Variants in UNC13D observed in about 807,000 individuals in gnomAD.
The protein encoded by UNC13D is protein unc-13 homolog D.
A neutral mutation model predicts 151.7 loss-of-function variants in UNC13D; 115 were observed. The observed-to-expected ratio is 0.76, with a 90% CI of 0.65 to 0.88. The LOEUF (loss-of-function observed/expected upper bound fraction) is 0.88, where lower values mean the gene tolerates loss of function less well. Among genes scored for constraint, UNC13D ranks in the 40% least tolerant of loss-of-function variants. UNC13D has a pLI of 0.00. For missense variants in UNC13D, 1,369 were observed against 1,438.7 expected (o/e 0.95, Z 0.78); for synonymous variants, 588 against 612.2 (o/e 0.96, Z 0.58).
chr17:75,828,832 C>A lies in UNC13D; in HGVS notation c.3106G>T (p.Glu1036Ter). 6.4e-7 allele frequency: 1 copy of A among 1,571,200 alleles called. No individual in the cohort carries two copies. Residue 1036 changes from glutamate to a stop codon, truncating the protein, a stop_gained, in exon 31 of 32, where the codon GAG (glutamate) becomes TAG (stop). Transcript: ENST00000207549. LOFTEE classifies it high-confidence loss of function. ...PGLSGSEEPG[E>*]VPQTRLPLTY... ...AGGGGCAGGCGGGTCTGAGGCACCTCACCAGGCTCCTCAGAGCCACTCAGC... is the reference window on the plus strand; with the variant it reads ...AGGGGCAGGCGGGTCTGAGGCACCTAACCAGGCTCCTCAGAGCCACTCAGC...
chr17:75,839,413 A>G (rs951298619), intron 12 of UNC13D, among the ~76,000 whole-genome samples: 1 of 152,162 alleles, frequency 6.6e-6, no homozygotes, highest in Non-Finnish European at 1.5e-5. Context: ...TTTCAAAAAA[A>G]AAAAAAAAAA....
At chr17:75,839,379 C>G (rs1018219887) in intron 12 of UNC13D, among the ~76,000 whole-genome samples, 1 of 148,064 alleles carries the variant, frequency 6.8e-6, no homozygotes, top group Non-Finnish European at 1.5e-5. Flanking sequence ...CCACTCCAGC[C>G]TGGGCAACAA....
chr17:75,834,916 G>C lies in UNC13D; in HGVS notation c.1992+4C>G, dbSNP rs764950480. 2 of 1,613,934 alleles carry C rather than the reference G, an allele frequency of 1.2e-6. No individual in the cohort carries two copies. Among genetic ancestry groups the C allele is most frequent in the Non-Finnish European group, 8.5e-7 (1 of 1,179,996 alleles). ...GGGGGAAGGACACGTGGAAGATGCCGCACCTCCACAAACTTGACGGTAATC... is the reference window on the plus strand; with the variant it reads ...GGGGGAAGGACACGTGGAAGATGCCCCACCTCCACAAACTTGACGGTAATC... On this transcript the variant is annotated splice_donor_region_variant and intron_variant, in intron 21 of 31. Transcript: ENST00000207549.
Position 75,827,823 on chromosome 17 carries a change from A to C in UNC13D, c.*142T>G. ...ACCATGGGAGGCAGGGGAGGTCTGC[A>C]CTCTGGGCACTCCGCATGCTGGGGC... is the stretch of plus-strand genomic sequence containing the variant. On this transcript the variant is annotated 3_prime_UTR_variant, in exon 32 of 32. Coordinates refer to ENST00000207549, the MANE Select transcript of UNC13D (RefSeq NM_199242.3). 1.3e-6 allele frequency: 2 copies of C among 1,499,012 alleles called. No homozygotes were observed. Among genetic ancestry groups the C allele is most frequent in the Non-Finnish European group, 1.8e-6 (2 of 1,124,330 alleles). The allele number at this position is 1,499,012 out of a possible 1,614,324, so 92.9% of individuals were successfully genotyped here. A position where few individuals can be genotyped will look rare whatever the true frequency, so the allele number is the denominator to read the frequency against.
At chr17:75,828,644 A>G in intron 31 of UNC13D, 143 bp downstream of exon 31, 4 of 938,096 alleles carry the variant, frequency 4.3e-6, no homozygotes, top group Non-Finnish European at 6.0e-6. Flanking sequence ...TCTTGATTAG[A>G]CCGAGAGATG....
intron 1 of UNC13D, chr17:75,843,770 C>T: frequency 7.1e-7 from 1 of 1,415,596 alleles, no homozygotes. Flanking sequence ...CACCTCCCTC[C>T]CTTCCCCAGA....
chr17:75,835,194 C>T lies in UNC13D; in HGVS notation c.1849-131G>A, dbSNP rs548196777. 18 of 1,481,176 alleles carry T rather than the reference C, an allele frequency of 1.2e-5. No individual in the cohort carries two copies. The African/African-American group carries it at 2.0e-4, about 16-fold the overall frequency. The allele number at this position is 1,481,176 out of a possible 1,614,324, so 91.8% of individuals were successfully genotyped here. On this transcript the variant is annotated intron_variant, in intron 20 of 31. Transcript: ENST00000207549. ...GCTTCACAAGAGACAAGCACGGCTC[C>T]GCCCAGACCCCCAGGCTGCAGGATC...
In UNC13D at chr17:75,844,265, T is replaced by C; in HGVS notation, c.73A>G (p.Arg25Gly). The C allele has an allele frequency of 1.2e-6, 2 of 1,612,698 alleles. No individual in the cohort carries two copies. Among genetic ancestry groups the C allele is most frequent in the Non-Finnish European group, 1.7e-6 (2 of 1,179,950 alleles). The stretch of plus-strand genomic sequence containing the variant: ...GGGGGATCCTGTAGATCTCTGACTC[T>C]GCGGCGCCTTATCTTGATGGCCTGG... ...LRQAIKIRRR[R>G]VRDLQDPPPQ... The change falls in exon 1 of 32, where the codon AGA becomes GGA. Residue 25 changes from arginine (R) to glycine (G), a missense_variant. Arg to Gly is a moderately radical substitution (Grantham distance 125). This residue lies in a region of UNC13D where 550 missense variants were observed against 609.0 expected (regional missense o/e 0.90). Transcript: ENST00000207549.
intron 12 of UNC13D, among the ~76,000 whole-genome samples, chr17:75,838,972 C>T (rs367573998): frequency 1.3e-4 from 20 of 152,248 alleles, no homozygotes; most frequent in African/African-American, 3.4e-4. Context: ...CGGTGGCTGG[C>T]GCCTGTAGTC....
chr17:75,839,263 G>A lies in UNC13D; in HGVS notation c.1055+576C>T, dbSNP rs557585995. ...ACTAAAAATACAAAGTTAGCTGGGC[G>A]TGGTGGCGCATGCCTGTAATCCCAG... On this transcript the variant is annotated intron_variant, in intron 12 of 31. Transcript: ENST00000207549. Among the ~76,000 whole-genome samples, 9 of 152,204 alleles carry A rather than the reference G, an allele frequency of 5.9e-5. No individual in the cohort carries two copies. In the South Asian group the frequency reaches 6.2e-4, roughly 11 times the overall value.
At position 75,843,275 on chromosome 17, in the gene UNC13D, C is replaced by A. The variant is rs2064962405; in HGVS notation, c.154-9G>T. The A allele has an allele frequency of 6.2e-7, 1 of 1,604,974 alleles. No individual in the cohort carries two copies. Among genetic ancestry groups the A allele is most frequent in the East Asian group, 2.2e-5 (1 of 44,836 alleles). ...TCGTAGAGCAGGGCCCGCTAAGACA[C>A]ACGGGGTCACCTTGGGGACCCCACC... On this transcript the variant is annotated splice_polypyrimidine_tract_variant and intron_variant, in intron 2 of 31. Coordinates refer to ENST00000207549, the MANE Select transcript of UNC13D (RefSeq NM_199242.3).
chr17:75,840,673 A>G lies in UNC13D; in HGVS notation c.683+89T>C. The G allele has an allele frequency of 6.2e-7, 1 of 1,610,810 alleles. No individual in the cohort carries two copies. Among genetic ancestry groups the G allele is most frequent in the Non-Finnish European group, 8.5e-7 (1 of 1,177,502 alleles). ...GCCGCAGCCACCTGGACCCCAAAGG[A>G]GCCTGCACCCCAGCATCCAGTGTGC... On this transcript the variant is annotated intron_variant, in intron 8 of 31. Coordinates refer to ENST00000207549, the MANE Select transcript of UNC13D (RefSeq NM_199242.3). The surrounding 1 kb of genome is among the most constrained non-coding windows in gnomAD (Gnocchi z 4.6).
chr17:75,833,173 T>A lies in UNC13D; in HGVS notation c.2368-128A>T. 2 of 906,358 alleles carry A rather than the reference T, an allele frequency of 2.2e-6. No homozygotes were observed. Among genetic ancestry groups the A allele is most frequent in the Non-Finnish European group, 3.4e-6 (2 of 580,148 alleles). 56.1% of individuals were successfully genotyped at this position (906,358 alleles called of 1,614,324 possible). A position where few individuals can be genotyped will look rare whatever the true frequency, so the allele number is the denominator to read the frequency against. ...CTGTGAGAGCAGTTTGTAGTGTCTG[T>A]AAGAGGCCGGCCTGCCCACCTCTCT... On this transcript the variant is annotated intron_variant, in intron 24 of 31. Transcript: ENST00000207549. This position sits in a 1 kb window ranked among gnomAD's most constrained non-coding sequence, Gnocchi z 4.0.
Position 75,831,005 on chromosome 17 carries a change from C to T in UNC13D, c.2625+93G>A, listed in dbSNP as rs983639582. On this transcript the variant is annotated intron_variant, in intron 27 of 31. Transcript: ENST00000207549. ...CCCAGTTTTTCATTTTGTACTGGGC[C>T]CCATAAATTATGTAGCCGACCCTGG... The T allele has an allele frequency of 2.1e-6, 3 of 1,430,204 alleles. No homozygotes were observed. The African/African-American group carries it at 4.3e-5, about 20-fold the overall frequency. 88.6% of individuals were successfully genotyped at this position (1,430,204 alleles called of 1,614,324 possible).
intron 30 of UNC13D, 67 bp from the exon 31 acceptor site, chr17:75,829,050 CACCCACTTGGTGTTGGG>C: frequency 1.9e-6 from 3 of 1,558,598 alleles, no homozygotes; most frequent in Non-Finnish European, 2.6e-6. Context: ...CACATGGGTT[CACCCACTTGGTGTTGGG>C]AACCAGCCAG....
At position 75,833,855 on chromosome 17, in the gene UNC13D, C is replaced by T. The variant is rs967132599; in HGVS notation, c.2367+220G>A. ...GCCTGTTTGGCTGCAAAGTCTAAGC[C>T]GTCCCCAACTGCAGCCCCCTCATTG... On this transcript the variant is annotated intron_variant, in intron 24 of 31. Coordinates refer to ENST00000207549, the MANE Select transcript of UNC13D (RefSeq NM_199242.3). The surrounding 1 kb of genome is among the most constrained non-coding windows in gnomAD (Gnocchi z 4.0). Among the ~76,000 whole-genome samples the T allele has an allele frequency of 1.3e-5, 2 of 152,170 alleles. No homozygotes were observed. The highest frequency in any genetic ancestry group is 6.5e-5 in the Admixed American group (1 of 15,274).
chr17:75,838,087 A>G (rs1170156375), intron 12 of UNC13D, among the ~76,000 whole-genome samples: 1 of 152,122 alleles, frequency 6.6e-6, no homozygotes, highest in Non-Finnish European at 1.5e-5. Context: ...GCAGTACACA[A>G]GCTGACCCCA....
chr17:75,827,810 A>T lies in UNC13D; in HGVS notation c.*155T>A. 9.4e-6 allele frequency: 14 copies of T among 1,486,860 alleles called. No individual in the cohort carries two copies. The highest frequency in any genetic ancestry group is 1.3e-5 in the Non-Finnish European group (14 of 1,117,904). The allele number at this position is 1,486,860 out of a possible 1,614,324, so 92.1% of individuals were successfully genotyped here. On this transcript the variant is annotated 3_prime_UTR_variant, in exon 32 of 32. Transcript: ENST00000207549. ...CTGAGCCCCCATCACCATGGGAGGC[A>T]GGGGAGGTCTGCACTCTGGGCACTC... is the stretch of plus-strand genomic sequence containing the variant.
rs753931489 is a variant in UNC13D, at chr17:75,833,422, T to A, written c.2368-377A>T. On this transcript the variant is annotated intron_variant, in intron 24 of 31. Transcript: ENST00000207549. The surrounding 1 kb of genome is among the most constrained non-coding windows in gnomAD (Gnocchi z 4.0). The stretch of plus-strand genomic sequence containing the variant: ...GCCACCATCTAAAAATACAACCCTC[T>A]GACACTTCTCAGCCGCTTCTCTGTT... Among the ~76,000 whole-genome samples the A allele has an allele frequency of 1.4e-4, 21 of 152,140 alleles. No individual in the cohort carries two copies. The highest frequency in any genetic ancestry group is 2.6e-4 in the Non-Finnish European group (18 of 68,032).
Sources: allele counts gnomAD v4.1 joint callset (sites outside exome capture counted in the v4.1 genomes callset), GRCh38; gene constraint gnomAD v4.1.1; regional missense constraint gnomAD v4.1.1; non-coding constraint Gnocchi (gnomAD v3.1); transcripts MANE v1.5; gene names NCBI Gene and HGNC (gene_info 2026-07-23, HGNC 2026-07-21).